The following CRPPA variants were observed in gnomAD, a reference collection of about 807,000 sequenced individuals.
The protein encoded by CRPPA is CDP-L-ribitol pyrophosphorylase A.
CRPPA carries 43 observed loss-of-function variants against 52.0 expected under a neutral mutation model. The ratio of observed to expected loss-of-function variants is 0.83; its 90% CI spans 0.65 to 1.07. CRPPA has a LOEUF of 1.07. Ranked by LOEUF, CRPPA falls within the 50% of genes least tolerant of loss-of-function variation. The pLI, the probability that CRPPA is intolerant of heterozygous loss-of-function variation, is 0.00. For missense variants in CRPPA, 629 were observed against 551.7 expected (o/e 1.14, Z -1.40); for synonymous variants, 250 against 203.5 (o/e 1.23, Z -1.94).
At chr7:16,215,177 A>G (rs1782270091) in intron 9 of CRPPA, among the ~76,000 whole-genome samples, 1 of 152,258 alleles carries the variant, frequency 6.6e-6, no homozygotes, top group Non-Finnish European at 1.5e-5. Flanking sequence ...TTTGCCACCC[A>G]CAAATAAGTT....
chr7:16,342,374 T>C (rs1785869201), intron 3 of CRPPA, among the ~76,000 whole-genome samples: 1 of 152,130 alleles, frequency 6.6e-6, no homozygotes, highest in Admixed American at 6.5e-5. Context: ...ATATGCTAAG[T>C]TAAGAGACCA....
At chr7:16,207,519 G>A (rs1321608925) in intron 9 of CRPPA, among the ~76,000 whole-genome samples, 4 of 152,152 alleles carry the variant, frequency 2.6e-5, no homozygotes, top group African/African-American at 9.7e-5. Context: ...GATAATTAGT[G>A]TTGCATAAAG....
At chr7:16,386,421 CTGT>C (rs1288965829) in intron 2 of CRPPA, among the ~76,000 whole-genome samples, 1 of 152,198 alleles carries the variant, frequency 6.6e-6, no homozygotes, top group African/African-American at 2.4e-5. Flanking sequence ...ACAGGAAAGT[CTGT>C]TCCCATTTAG....
chr7:16,117,788 T>C (rs540536700), intron 9 of CRPPA, among the ~76,000 whole-genome samples: 2 of 152,340 alleles, frequency 1.3e-5, no homozygotes, highest in South Asian at 4.1e-4. Context: ...AATCCATTCA[T>C]GCTGCAGTTA....
chr7:16,347,109 C>T lies in CRPPA; in HGVS notation c.684+28983G>A, dbSNP rs79915935. On this transcript the variant is annotated intron_variant, in intron 3 of 9. Coordinates refer to ENST00000407010, the MANE Select transcript of CRPPA (RefSeq NM_001101426.4). ...ACTAGATGCTTTACATAGGTTAGCT[C>T]ATCCAAACTTTCCACCAAACTCATA... Among the ~76,000 whole-genome samples, 964 of 152,140 alleles carry T rather than the reference C, an allele frequency of 6.3e-3. 11 individuals are homozygous for T. Among genetic ancestry groups the T allele is most frequent in the African/African-American group, 0.023 (942 of 41,514 alleles).
At chr7:16,405,926 A>G in intron 2 of CRPPA, 135 bp downstream of exon 2, 1 of 799,480 alleles carries the variant, frequency 1.3e-6, no homozygotes, top group East Asian at 2.7e-5. Flanking sequence ...ACTACAACAA[A>G]TCACCATAAC....
chr7:16,153,682 T>A (rs1161386210), intron 9 of CRPPA, among the ~76,000 whole-genome samples: 1 of 152,154 alleles, frequency 6.6e-6, no homozygotes, highest in East Asian at 1.9e-4. Context: ...ACATAAAATG[T>A]TTCACATTAA....
intron 2 of CRPPA, among the ~76,000 whole-genome samples, chr7:16,397,853 C>G (rs1787651298): frequency 6.6e-6 from 1 of 152,184 alleles, no homozygotes; most frequent in Admixed American, 6.5e-5. Flanking sequence ...ACGTAATCAT[C>G]ACGTGATCAA....
At chr7:16,243,048 G>T (rs1025347491) in intron 8 of CRPPA, among the ~76,000 whole-genome samples, 2 of 152,142 alleles carry the variant, frequency 1.3e-5, no homozygotes, top group African/African-American at 2.4e-5. Context: ...ATTTCAAATT[G>T]TAATTCCCAC....
At position 16,308,577 on chromosome 7, in the gene CRPPA, T is replaced by C. The variant is rs1364884075; in HGVS notation, c.735A>G (p.Leu245=). Residue 245 remains leucine (L), a synonymous_variant, in exon 4 of 10, where the codon CTA becomes CTG. Transcript: ENST00000407010. ...EFGTECLQLA[L]KYCCTKAKLV... ...GTTTGGCTTTAGTGCAACAGTATTTTAGGGCCAATTGCAAACACTCAGTTC... is the reference window on the plus strand; with the variant it reads ...GTTTGGCTTTAGTGCAACAGTATTTCAGGGCCAATTGCAAACACTCAGTTC... 1.1e-5 allele frequency: 17 copies of C among 1,611,666 alleles called. No homozygotes were observed. Among genetic ancestry groups the C allele is most frequent in the Non-Finnish European group, 1.4e-5 (16 of 1,178,802 alleles).
chr7:16,193,782 AAAT>A (rs1219225088), intron 9 of CRPPA, among the ~76,000 whole-genome samples: 2 of 152,082 alleles, frequency 1.3e-5, no homozygotes, highest in African/African-American at 4.8e-5. Flanking sequence ...AGCGGGACAA[AAAT>A]ACCTCAAGGC....
chr7:16,311,418 G>C (rs1012385157), intron 3 of CRPPA, among the ~76,000 whole-genome samples: 2 of 151,972 alleles, frequency 1.3e-5, no homozygotes, highest in Admixed American at 6.6e-5. Context: ...GAAATAAATA[G>C]CTGTAATCAT....
At chr7:16,405,896 C>G (rs1196715700) in intron 2 of CRPPA, among the ~76,000 whole-genome samples, 165 bp downstream of exon 2, 1 of 152,158 alleles carries the variant, frequency 6.6e-6, no homozygotes, top group Non-Finnish European at 1.5e-5. Flanking sequence ...TGTTCCAGAA[C>G]AGTCTCAATC....
intron 9 of CRPPA, among the ~76,000 whole-genome samples, chr7:16,130,225 T>C (rs576503669): frequency 3.4e-4 from 52 of 152,338 alleles, no homozygotes; most frequent in African/African-American, 1.2e-3. Flanking sequence ...TCATAATTTG[T>C]TTCTTTAATC....
intron 3 of CRPPA, among the ~76,000 whole-genome samples, chr7:16,321,604 G>T (rs1232180309): frequency 1.3e-5 from 2 of 152,134 alleles, no homozygotes; most frequent in East Asian, 3.9e-4. Context: ...GGGAAGGGAG[G>T]GCCCAGATCC....
chr7:16,361,748 G>A (rs1239971184), intron 3 of CRPPA, among the ~76,000 whole-genome samples: 1 of 152,196 alleles, frequency 6.6e-6, no homozygotes, highest in Admixed American at 6.5e-5. Flanking sequence ...GATAAATTCT[G>A]AAGATGATGG....
chr7:16,244,369 C>A (rs1386915218), intron 8 of CRPPA, among the ~76,000 whole-genome samples: 1 of 152,172 alleles, frequency 6.6e-6, no homozygotes, highest in Non-Finnish European at 1.5e-5. Flanking sequence ...GTACCAACAA[C>A]CAAGCACCAT....
intron 1 of CRPPA, among the ~76,000 whole-genome samples, chr7:16,412,096 G>C (rs1282664569): frequency 1.3e-5 from 2 of 152,192 alleles, no homozygotes; most frequent in East Asian, 3.9e-4. Flanking sequence ...CATTCCATCA[G>C]ACAGAAAACA....
chr7:16,155,831 G>C (rs1368056232), intron 9 of CRPPA, among the ~76,000 whole-genome samples: 1 of 152,078 alleles, frequency 6.6e-6, no homozygotes, highest in East Asian at 1.9e-4. Context: ...AGGGTCAACT[G>C]TACAAACTCC....
Sources: gnomAD v4.1 joint callset for allele counts (sites outside exome capture counted in the v4.1 genomes callset) on GRCh38, gnomAD v4.1.1 for gene constraint, MANE v1.5 for transcripts, NCBI Gene and HGNC (gene_info 2026-07-23, HGNC 2026-07-21) for gene names.